ERCC5: variants seen among roughly 807,000 people sequenced by gnomAD.
ERCC5 encodes ERCC excision repair 5, endonuclease.
Under a neutral mutation model 105.6 loss-of-function variants are expected in ERCC5, and 68 were observed. That is an observed-to-expected ratio of 0.64 (90% CI 0.53 to 0.79). ERCC5 has a LOEUF of 0.79. Among genes scored for constraint, ERCC5 ranks in the 30% least tolerant of loss-of-function variants. ERCC5 has a pLI of 0.00. For synonymous variants in ERCC5, 546 were observed against 526.2 expected (o/e 1.04, Z -0.51); for missense variants, 1,373 against 1,426.7 (o/e 0.96, Z 0.61).
Position 102,862,837 on chromosome 13 carries a change from G to C in ERCC5, c.1688G>C (p.Ser563Thr), listed in dbSNP as rs1469692663. 1.9e-6 allele frequency: 3 copies of C among 1,614,242 alleles called. No individual in the cohort carries two copies. In the Admixed American group the frequency reaches 5.0e-5, roughly 27 times the overall value. Residue 563 changes from serine to threonine, a missense_variant, in exon 8 of 15, where the codon AGT becomes ACT. Ser to Thr is a moderately conservative substitution (Grantham distance 58). Coordinates refer to ENST00000652225, the MANE Select transcript of ERCC5 (RefSeq NM_000123.4). Reference sequence around the variant, plus strand: ...AAATTCGATTCTTCTCTTCTTTCAAGTGATGATGAAACAAAATGTAAACCG... The same window carrying C: ...AAATTCGATTCTTCTCTTCTTTCAACTGATGATGAAACAAAATGTAAACCG... ...ESKFDSSLLS[S>T]DDETKCKPNS...
chr13:102,846,388 A>C, intron 1 of ERCC5, 34 bp downstream of exon 1: 1 of 1,584,472 alleles, frequency 6.3e-7, no homozygotes, highest in Non-Finnish European at 8.7e-7. Flanking sequence ...CTTGGGGTGC[A>C]GGGATTCGGG....
chr13:102,865,964 A>G lies in ERCC5; in HGVS notation c.2199+53A>G, dbSNP rs1246004250. 1 of 1,613,124 alleles carries G rather than the reference A, an allele frequency of 6.2e-7. No homozygotes were observed. The highest frequency in any genetic ancestry group is 8.5e-7 in the Non-Finnish European group (1 of 1,179,964). ...TCTTGCTGAGGAAGCCAGGTTAAGT[A>G]GGTTTTGAGTTTTAAGGAGTTGGTG... is the stretch of plus-strand genomic sequence containing the variant. On this transcript the variant is annotated intron_variant, in intron 9 of 14. Transcript: ENST00000652225. This position sits in a 1 kb window ranked among gnomAD's most constrained non-coding sequence, Gnocchi z 4.0.
chr13:102,863,274 T>C (rs1455776534), intron 8 of ERCC5, among the ~76,000 whole-genome samples, 171 bp downstream of exon 8: 1 of 152,230 alleles, frequency 6.6e-6, no homozygotes, highest in Non-Finnish European at 1.5e-5. Flanking sequence ...CATGGAATCT[T>C]GACCTTCCCT....
chr13:102,865,998 T>G lies in ERCC5; in HGVS notation c.2199+87T>G. 2 of 1,608,964 alleles carry G rather than the reference T, an allele frequency of 1.2e-6. No homozygotes were observed. The highest frequency in any genetic ancestry group is 1.7e-6 in the Non-Finnish European group (2 of 1,177,868). ...GTTTTAAGGAGTTGGTGGATGAGTATTTAGTAGCTATTTGCAGTACATCTT... is the reference window on the plus strand; with the variant it reads ...GTTTTAAGGAGTTGGTGGATGAGTAGTTAGTAGCTATTTGCAGTACATCTT... On this transcript the variant is annotated intron_variant, in intron 9 of 14. Transcript: ENST00000652225. The surrounding 1 kb of genome is among the most constrained non-coding windows in gnomAD (Gnocchi z 4.0).
rs1370924410 is a variant in ERCC5, at chr13:102,865,041, C to G, written c.1955-626C>G. On this transcript the variant is annotated intron_variant, in intron 8 of 14. Transcript: ENST00000652225. The surrounding 1 kb of genome is among the most constrained non-coding windows in gnomAD (Gnocchi z 4.0). ...CCTCCCACTGGCCTCCTCCTTGGCC[C>G]TGCTCTCTTCTTTGCTTCAGCTGTG... 5 of 156,486 alleles carry G rather than the reference C, an allele frequency of 3.2e-5. No homozygotes were observed. 9.7% of individuals were successfully genotyped at this position (156,486 alleles called of 1,614,324 possible).
intron 7 of ERCC5, 21 bp from the exon 8 acceptor site, chr13:102,862,009 A>C (rs1488236307): frequency 6.2e-7 from 1 of 1,613,410 alleles, no homozygotes; most frequent in Non-Finnish European, 8.5e-7. Context: ...AATGGTGAGA[A>C]GTGTTTTAAT....
At chr13:102,867,746 C>T (rs937725042) in intron 11 of ERCC5, among the ~76,000 whole-genome samples, 1 of 152,052 alleles carries the variant, frequency 6.6e-6, no homozygotes, top group Non-Finnish European at 1.5e-5. Context: ...GGAGGGAGCA[C>T]AGTGGAGGAG....
intron 2 of ERCC5, among the ~76,000 whole-genome samples, chr13:102,853,420 T>A (rs1882278562): frequency 6.6e-6 from 1 of 152,258 alleles, no homozygotes; most frequent in Non-Finnish European, 1.5e-5. Context: ...TTGGTGTCAC[T>A]GTGACATTTT....
chr13:102,873,304 ATC>A lies in ERCC5; in HGVS notation c.2929_2930del (p.Leu977ValfsTer17), dbSNP rs1057518813. 2.5e-6 allele frequency: 4 copies of A among 1,614,152 alleles called. No homozygotes were observed. The highest frequency in any genetic ancestry group is 3.4e-6 in the Non-Finnish European group (4 of 1,180,012). On this transcript the variant is annotated frameshift_variant, in exon 14 of 15. Transcript: ENST00000652225. LOFTEE classifies it low-confidence loss of function (END_TRUNC). The stretch of plus-strand genomic sequence containing the variant: ...GCTGGAACAGAACGAAGACAGATGA[ATC>A]TCTGTTTCCTGTATTAAAGCAACTC... ...FGWNRTKTDE[S>X]LFPVLKQLDA...
chr13:102,849,493 T>C (rs1477301824), intron 1 of ERCC5: 1 of 509,946 alleles, frequency 2.0e-6, no homozygotes, highest in South Asian at 1.4e-5. Context: ...TTGCTAAATA[T>C]TATAGAAATA....
intron 11 of ERCC5, among the ~76,000 whole-genome samples, chr13:102,867,197 T>C (rs1452960816): frequency 6.6e-6 from 1 of 152,234 alleles, no homozygotes; most frequent in Non-Finnish European, 1.5e-5. Context: ...CCAGCAAATA[T>C]ATGTTTGGTG....
At position 102,865,990 on chromosome 13, in the gene ERCC5, G is replaced by A; in HGVS notation, c.2199+79G>A. 6.2e-7 allele frequency: 1 copy of A among 1,611,010 alleles called. No individual in the cohort carries two copies. Among genetic ancestry groups the A allele is most frequent in the Non-Finnish European group, 8.5e-7 (1 of 1,179,144 alleles). ...GGTTTTGAGTTTTAAGGAGTTGGTG[G>A]ATGAGTATTTAGTAGCTATTTGCAG... is the stretch of plus-strand genomic sequence containing the variant. On this transcript the variant is annotated intron_variant, in intron 9 of 14. Coordinates refer to ENST00000652225, the MANE Select transcript of ERCC5 (RefSeq NM_000123.4). This position sits in a 1 kb window ranked among gnomAD's most constrained non-coding sequence, Gnocchi z 4.0.
In ERCC5 at chr13:102,872,184, C is replaced by G; in HGVS notation, c.2679-14C>G. ...CTCATTGCTGTGTAAGTAATTGTTTCCTTTATTTTACAGAGAATGGTGGCA... is the reference window on the plus strand; with the variant it reads ...CTCATTGCTGTGTAAGTAATTGTTTGCTTTATTTTACAGAGAATGGTGGCA... On this transcript the variant is annotated splice_polypyrimidine_tract_variant and intron_variant, in intron 12 of 14. Transcript: ENST00000652225. The G allele has an allele frequency of 6.2e-7, 1 of 1,613,088 alleles. No individual in the cohort carries two copies. Among genetic ancestry groups the G allele is most frequent in the Non-Finnish European group, 8.5e-7 (1 of 1,179,432 alleles).
intron 11 of ERCC5, among the ~76,000 whole-genome samples, chr13:102,867,052 A>G (rs146028529): frequency 2.6e-5 from 4 of 152,306 alleles, no homozygotes; most frequent in African/African-American, 4.8e-5. Context: ...ATGTTTAGGT[A>G]GTTAATCAAC....
chr13:102,875,270 C>G (rs1166703544), intron 14 of ERCC5, 37 bp from the exon 15 acceptor site: 3 of 1,597,878 alleles, frequency 1.9e-6, no homozygotes, highest in Non-Finnish European at 2.6e-6. Flanking sequence ...ACTTACTTGT[C>G]TGATTTATTA....
In ERCC5 at chr13:102,846,067, G is replaced by C. The variant is rs76752300; in HGVS notation, c.-200G>C. On this transcript the variant is annotated 5_prime_UTR_variant, in exon 1 of 15. Transcript: ENST00000652225. ...GCGGTGACAGCTGCTGAGACGTGTTGCAGCCAGAGTCTCTCCGCTTTAATG... is the reference window on the plus strand; with the variant it reads ...GCGGTGACAGCTGCTGAGACGTGTTCCAGCCAGAGTCTCTCCGCTTTAATG... 5,933 of 589,016 alleles carry C rather than the reference G, an allele frequency of 0.01. 45 individuals carry two copies. Among genetic ancestry groups the C allele is most frequent in the Non-Finnish European group, 0.012 (4,008 of 329,976 alleles). The allele number at this position is 589,016 out of a possible 1,614,324, so 36.5% of individuals were successfully genotyped here. A position where few individuals can be genotyped will look rare whatever the true frequency, so the allele number is the denominator to read the frequency against.
At chr13:102,849,765 C>T (rs1027436529) in intron 1 of ERCC5, among the ~76,000 whole-genome samples, 1 of 152,178 alleles carries the variant, frequency 6.6e-6, no homozygotes, top group African/African-American at 2.4e-5. Flanking sequence ...TTATAAACTC[C>T]ATAGGGCCAA....
intron 14 of ERCC5, 60 bp from the exon 15 acceptor site, chr13:102,875,247 G>A (rs1883171515): frequency 3.2e-6 from 5 of 1,568,024 alleles, no homozygotes; most frequent in Admixed American, 1.7e-5. Flanking sequence ...TGTTGATTTG[G>A]TTTAGAAACT....
At position 102,868,182 on chromosome 13, in the gene ERCC5, CTG is replaced by C. The variant is rs779078202; in HGVS notation, c.2606_2607del (p.Val869GlyfsTer11). 6.2e-6 allele frequency: 10 copies of C among 1,614,050 alleles called. No individual in the cohort carries two copies. The highest frequency in any genetic ancestry group is 8.5e-6 in the Non-Finnish European group (10 of 1,180,036). On this transcript the variant is annotated frameshift_variant, in exon 12 of 15. Coordinates refer to ENST00000652225, the MANE Select transcript of ERCC5 (RefSeq NM_000123.4). LOFTEE classifies it high-confidence loss of function. ...AGTGATTATACCGAAGGAATACCAA[CTG>C]TGGGTTGTGTAACCGCCATGGAAAT...
Sources: allele counts gnomAD v4.1 joint callset (sites outside exome capture counted in the v4.1 genomes callset), GRCh38; gene constraint gnomAD v4.1.1; non-coding constraint Gnocchi (gnomAD v3.1); transcripts MANE v1.5; gene names NCBI Gene and HGNC (gene_info 2026-07-23, HGNC 2026-07-21).